CLYBL: variants seen among roughly 807,000 people sequenced by gnomAD.
The protein encoded by CLYBL is citramalyl-CoA lyase.
Under a neutral mutation model 38.9 loss-of-function variants are expected in CLYBL, and 31 were observed. That is an observed-to-expected ratio of 0.80 (90% CI 0.60 to 1.08). The LOEUF is 1.08. Among genes scored for constraint, CLYBL ranks in the 50% least tolerant of loss-of-function variants. CLYBL has a pLI of 0.00. For missense variants in CLYBL, 434 were observed against 411.6 expected, an observed-to-expected ratio of 1.05 and a Z score of -0.47; for synonymous variants, 171 against 158.6, an observed-to-expected ratio of 1.08 and a Z score of -0.59.
intron 1 of CLYBL, among the ~76,000 whole-genome samples, chr13:99,625,431 G>A (rs1042810255): frequency 6.6e-6 from 1 of 152,192 alleles, no homozygotes; most frequent in African/African-American, 2.4e-5. Context: ...AGGTGGAAAC[G>A]GGACTGTTGA....
At chr13:99,838,883 C>G (rs893243520) in intron 2 of CLYBL, among the ~76,000 whole-genome samples, 4 of 152,206 alleles carry the variant, frequency 2.6e-5, no homozygotes, top group Non-Finnish European at 5.9e-5. Context: ...TCGTGATCCA[C>G]CCGCCTCGGC....
At chr13:99,900,401 C>T (rs1330369381), downstream of CLYBL, among the ~76,000 whole-genome samples, 1 of 151,982 alleles carries the variant, frequency 6.6e-6, no homozygotes, top group Non-Finnish European at 1.5e-5. Flanking sequence ...CCACTGCTGG[C>T]CTATGGAAGT....
chr13:99,650,017 A>T (rs532158125), intron 1 of CLYBL, among the ~76,000 whole-genome samples: 8 of 152,212 alleles, frequency 5.3e-5, no homozygotes, highest in African/African-American at 1.9e-4. Context: ...TAATCCCAGC[A>T]CTTTGGGAGG....
intron 2 of CLYBL, among the ~76,000 whole-genome samples, chr13:99,801,535 C>T (rs2050136428): frequency 6.6e-6 from 1 of 151,840 alleles, no homozygotes; most frequent in East Asian, 1.9e-4. Context: ...AAAAAGAATT[C>T]TCCTTGAAGT....
At chr13:99,654,775 G>A (rs921265254) in intron 1 of CLYBL, among the ~76,000 whole-genome samples, 6 of 152,194 alleles carry the variant, frequency 3.9e-5, no homozygotes, top group African/African-American at 1.2e-4. Flanking sequence ...GGAGGCTGAG[G>A]CGGGCTGATC....
At chr13:99,819,288 T>C (rs530097147) in intron 2 of CLYBL, among the ~76,000 whole-genome samples, 1 of 150,238 alleles carries the variant, frequency 6.7e-6, no homozygotes, top group African/African-American at 2.4e-5. Flanking sequence ...GAGGCTACAG[T>C]TAACTATGAT....
In CLYBL at chr13:99,891,378, A is replaced by G. The variant is rs1309256262; in HGVS notation, c.988A>G (p.Thr330Ala). The G allele has an allele frequency of 1.2e-6, 2 of 1,613,946 alleles. No individual in the cohort carries two copies. The highest frequency in any genetic ancestry group is 1.1e-5 in the South Asian group (1 of 91,076). Residue 330 changes from threonine to alanine, a missense_variant, in exon 8 of 9, where the codon ACT (threonine) becomes GCT (alanine). Transcript: ENST00000339105. ...DMPLLKQAQN[T>A]VTLATSIKEK Reference sequence around the variant, plus strand: ...GCCATTACTGAAGCAGGCCCAGAACACTGTTACGCTTGCCACCTCCATCAA... The same window carrying G: ...GCCATTACTGAAGCAGGCCCAGAACGCTGTTACGCTTGCCACCTCCATCAA...
intron 1 of CLYBL, among the ~76,000 whole-genome samples, chr13:99,672,529 T>G (rs1226347239): frequency 4.6e-5 from 7 of 152,056 alleles, no homozygotes; most frequent in African/African-American, 1.7e-4. Flanking sequence ...ATTCCAGCAC[T>G]TTGGGAGGCT....
intron 1 of CLYBL, among the ~76,000 whole-genome samples, chr13:99,688,885 T>C (rs1356729000): frequency 1.3e-5 from 2 of 152,228 alleles, no homozygotes; most frequent in African/African-American, 2.4e-5. Flanking sequence ...GCAGTCATAT[T>C]TGGGCAGATG....
chr13:99,783,335 G>A (rs2049702431), intron 2 of CLYBL, among the ~76,000 whole-genome samples: 1 of 152,036 alleles, frequency 6.6e-6, no homozygotes, highest in Non-Finnish European at 1.5e-5. Context: ...GAGCCGCCAT[G>A]CCTGGGCCAT....
rs561504991 is a variant in CLYBL, at chr13:99,817,704, G to A, written c.250-41157G>A. ...GAAAAAAGAAAAGCACTGAGCTAAA[G>A]TAAAGAAAAACCACTGGGCAGGACA... On this transcript the variant is annotated intron_variant, in intron 2 of 8. Coordinates refer to ENST00000339105, the MANE Select transcript of CLYBL (RefSeq NM_206808.5). Among the ~76,000 whole-genome samples, 7 of 148,814 alleles carry A rather than the reference G, an allele frequency of 4.7e-5. No individual in the cohort carries two copies. The South Asian group carries it at 1.1e-3, about 23-fold the overall frequency.
chr13:99,845,130 G>A (rs1360637855), intron 2 of CLYBL, among the ~76,000 whole-genome samples: 1 of 152,090 alleles, frequency 6.6e-6, no homozygotes, highest in African/African-American at 2.4e-5. Context: ...GGCCCTTCCT[G>A]GCAGAACTTC....
intron 1 of CLYBL, among the ~76,000 whole-genome samples, chr13:99,625,746 G>A (rs2046860340): frequency 6.6e-6 from 1 of 152,180 alleles, no homozygotes; most frequent in Admixed American, 6.5e-5. Context: ...GCACATCTTT[G>A]TATTATTCAG....
chr13:99,762,080 G>A (rs1333795928), intron 1 of CLYBL, among the ~76,000 whole-genome samples: 1 of 151,994 alleles, frequency 6.6e-6, no homozygotes, highest in Non-Finnish European at 1.5e-5. Flanking sequence ...TTGTCAGATG[G>A]GTAGTTTCTA....
At chr13:99,861,805 G>A (rs915428592) in intron 3 of CLYBL, among the ~76,000 whole-genome samples, 2 of 152,070 alleles carry the variant, frequency 1.3e-5, no homozygotes, top group Admixed American at 6.5e-5. Flanking sequence ...GTGGTGCACC[G>A]GCAAGGAGGG....
At chr13:99,831,993 C>G (rs1307445919) in intron 2 of CLYBL, among the ~76,000 whole-genome samples, 2 of 152,290 alleles carry the variant, frequency 1.3e-5, no homozygotes, top group South Asian at 4.1e-4. Context: ...CTCAATAGAT[C>G]TTTTGATAAC....
chr13:99,697,473 T>G (rs556717295), intron 1 of CLYBL, among the ~76,000 whole-genome samples: 1 of 152,192 alleles, frequency 6.6e-6, no homozygotes, highest in South Asian at 2.1e-4. Context: ...GCCTCCCAGG[T>G]TCAAGTGATT....
At chr13:99,753,421 G>A in intron 1 of CLYBL, among the ~76,000 whole-genome samples, 1 of 152,168 alleles carries the variant, frequency 6.6e-6, no homozygotes, top group Non-Finnish European at 1.5e-5. Flanking sequence ...GGTGTCTTGG[G>A]CCAGGGTGGG....
At chr13:99,614,778 G>T (rs2046683554) in intron 1 of CLYBL, among the ~76,000 whole-genome samples, 1 of 152,106 alleles carries the variant, frequency 6.6e-6, no homozygotes, top group Non-Finnish European at 1.5e-5. Flanking sequence ...AGTCAGGGGG[G>T]GAGGCCGGGA....
Sources: gnomAD v4.1 joint callset for allele counts (sites outside exome capture counted in the v4.1 genomes callset) on GRCh38, gnomAD v4.1.1 for gene constraint, MANE v1.5 for transcripts, NCBI Gene and HGNC (gene_info 2026-07-23, HGNC 2026-07-21) for gene names.